The following MCPH1 variants were observed in gnomAD, a reference collection of about 807,000 sequenced individuals.
MCPH1 encodes the protein microcephalin 1, also known as microcephalin.
MCPH1 carries 104 observed loss-of-function variants against 84.5 expected under a neutral mutation model. That is an observed-to-expected ratio of 1.23 (90% CI 1.05 to 1.45). The LOEUF (loss-of-function observed/expected upper bound fraction) is 1.45. MCPH1 is among the 40% of genes most tolerant of loss of function. The pLI, the probability that MCPH1 is intolerant of heterozygous loss-of-function variation, is 0.00. For missense variants in MCPH1, 1,498 were observed against 1,005.7 expected, an observed-to-expected ratio of 1.49 and a Z score of -6.62; for synonymous variants, 514 against 366.8, an observed-to-expected ratio of 1.40 and a Z score of -4.58.
Position 6,436,088 on chromosome 8 carries a change from C to T in MCPH1, c.362C>T (p.Pro121Leu), listed in dbSNP as rs781752268. ...CCCAAAGATTTTAATTTTAAAACAC[C>T]AGAAAATGATAAGAGATTTCAGAAG... Reference protein sequence around the residue: ...MQPKDFNFKTPENDKRFQKKF... With the variant: ...MQPKDFNFKTLENDKRFQKKF... The change falls in exon 5 of 14, where the codon CCA becomes CTA. Residue 121 changes from proline (P) to leucine (L), a missense_variant. Physicochemically the swap from Pro to Leu is moderately conservative, Grantham distance 98. Transcript: ENST00000344683. 15 of 1,613,570 alleles carry T rather than the reference C, an allele frequency of 9.3e-6. No individual in the cohort carries two copies. The highest frequency in any genetic ancestry group is 1.3e-5 in the African/African-American group (1 of 74,988).
intron 12 of MCPH1, among the ~76,000 whole-genome samples, chr8:6,596,360 C>T (rs1828925751): frequency 6.6e-6 from 1 of 152,270 alleles, no homozygotes; most frequent in East Asian, 1.9e-4. Context: ...TGGCACAGCC[C>T]CCTGCCTGCA....
At chr8:6,538,263 C>A (rs1820868231) in intron 12 of MCPH1, among the ~76,000 whole-genome samples, 1 of 152,098 alleles carries the variant, frequency 6.6e-6, no homozygotes, top group East Asian at 1.9e-4. Flanking sequence ...GATATTGCAA[C>A]CATCTGTCTT....
chr8:6,611,902 G>A (rs1586796141), intron 12 of MCPH1, among the ~76,000 whole-genome samples: 1 of 152,206 alleles, frequency 6.6e-6, no homozygotes, highest in African/African-American at 2.4e-5. Context: ...ACAGGCGTGA[G>A]CCACCGCGCC....
chr8:6,506,748 A>G (rs1030694368), intron 12 of MCPH1, among the ~76,000 whole-genome samples: 72 of 150,854 alleles, frequency 4.8e-4, no homozygotes, highest in African/African-American at 1.8e-3. Context: ...ACCAAATAGT[A>G]GTCATATTAT....
intron 11 of MCPH1, among the ~76,000 whole-genome samples, chr8:6,494,968 A>T (rs985386096): frequency 6.6e-6 from 1 of 152,194 alleles, no homozygotes; most frequent in Non-Finnish European, 1.5e-5. Context: ...ACTACTAAAT[A>T]GGTTTGTATT....
intron 13 of MCPH1, chr8:6,624,847 A>C (rs1325558500): frequency 1.0e-5 from 10 of 984,248 alleles, no homozygotes; most frequent in Non-Finnish European, 1.2e-5. Flanking sequence ...CTATTTGCTT[A>C]TTCTCTAACC....
intron 12 of MCPH1, among the ~76,000 whole-genome samples, chr8:6,573,278 A>C: frequency 6.6e-6 from 1 of 152,112 alleles, no homozygotes; most frequent in East Asian, 1.9e-4. Flanking sequence ...GAGTAGAGGC[A>C]GAGAGACCAG....
chr8:6,445,153 A>G lies in MCPH1; in HGVS notation c.1431A>G (p.Thr477=). Residue 477 remains threonine (T), a synonymous_variant, in exon 8 of 14, where the codon ACA becomes ACG. Coordinates refer to ENST00000344683, the MANE Select transcript of MCPH1 (RefSeq NM_024596.5). ...KTRTVDITNF[T]AKTISSPRKT... ...GAACAGTTGACATTACCAATTTCAC[A>G]GCAAAAACCATCTCCAGTCCTCGGA... 1 of 1,614,244 alleles carries G rather than the reference A, an allele frequency of 6.2e-7. No individual in the cohort carries two copies. The highest frequency in any genetic ancestry group is 8.5e-7 in the Non-Finnish European group (1 of 1,180,028).
chr8:6,564,016 C>T (rs904888166), intron 12 of MCPH1, among the ~76,000 whole-genome samples: 1 of 127,668 alleles, frequency 7.8e-6, no homozygotes, highest in Non-Finnish European at 1.6e-5. Context: ...GAGTCTCGCT[C>T]TGTCGACCAG....
In MCPH1 at chr8:6,529,880, G is replaced by A. The variant is rs563376107; in HGVS notation, c.2214+29951G>A. Among the ~76,000 whole-genome samples the A allele has an allele frequency of 2.9e-3, 326 of 111,670 alleles. 2 individuals carry two copies. The highest frequency in any genetic ancestry group is 8.2e-3 in the African/African-American group (301 of 36,638). 73.3% of individuals were successfully genotyped at this position (111,670 alleles called of 152,430 possible). The stretch of plus-strand genomic sequence containing the variant: ...AACATGATATCTAGTTTCACAATAG[G>A]CGTTTTTTTTTTAAATCATATGACG... On this transcript the variant is annotated intron_variant, in intron 12 of 13. Transcript: ENST00000344683.
At chr8:6,597,046 C>T (rs947458064) in intron 12 of MCPH1, among the ~76,000 whole-genome samples, 5 of 152,170 alleles carry the variant, frequency 3.3e-5, no homozygotes, top group Non-Finnish European at 7.3e-5. Flanking sequence ...GCCAGGTGGG[C>T]AGGAGATGGG....
chr8:6,488,743 C>A (rs541222661), intron 11 of MCPH1, among the ~76,000 whole-genome samples: 2 of 151,896 alleles, frequency 1.3e-5, no homozygotes, highest in Non-Finnish European at 2.9e-5. Context: ...CAGAAGCCAT[C>A]GGACTATTTT....
intron 12 of MCPH1, 92 bp from the exon 13 acceptor site, chr8:6,621,362 C>A: frequency 6.8e-7 from 1 of 1,480,554 alleles, no homozygotes; most frequent in Non-Finnish European, 9.4e-7. Context: ...CTATTCTTTT[C>A]ATAAAAAAGG....
intron 12 of MCPH1, among the ~76,000 whole-genome samples, chr8:6,572,908 A>G (rs1041605116): frequency 2.6e-5 from 4 of 152,108 alleles, no homozygotes; most frequent in Non-Finnish European, 5.9e-5. Context: ...GAATAGTTTC[A>G]CTGTTTATTT....
intron 3 of MCPH1, among the ~76,000 whole-genome samples, chr8:6,415,997 G>T (rs1799232784): frequency 6.6e-6 from 1 of 152,102 alleles, no homozygotes; most frequent in African/African-American, 2.4e-5. Flanking sequence ...AGTTTTCAGT[G>T]TACAAGTTTT....
chr8:6,503,702 G>A (rs1812662298), intron 12 of MCPH1, among the ~76,000 whole-genome samples: 2 of 152,234 alleles, frequency 1.3e-5, no homozygotes, highest in Admixed American at 1.3e-4. Flanking sequence ...TTCGGTTGAA[G>A]TTTAAACTAA....
chr8:6,474,187 T>C, intron 9 of MCPH1: 1 of 720,628 alleles, frequency 1.4e-6, no homozygotes, highest in Non-Finnish European at 2.6e-6. Context: ...CTACTCTGTC[T>C]TCATCTAAAA....
chr8:6,581,923 A>G (rs564797346), intron 12 of MCPH1, among the ~76,000 whole-genome samples: 3 of 152,122 alleles, frequency 2.0e-5, no homozygotes, highest in Non-Finnish European at 4.4e-5. Context: ...GGTCCCTTTT[A>G]TAAGGACACT....
chr8:6,628,557 A>G (rs952473540), intron 13 of MCPH1, among the ~76,000 whole-genome samples: 1 of 152,176 alleles, frequency 6.6e-6, no homozygotes. Context: ...AATTCAGAAT[A>G]AGAAATATTG....
Sources: gnomAD v4.1 joint callset for allele counts (sites outside exome capture counted in the v4.1 genomes callset) on GRCh38, gnomAD v4.1.1 for gene constraint, MANE v1.5 for transcripts, NCBI Gene and HGNC (gene_info 2026-07-23, HGNC 2026-07-21) for gene names.